Variants in SH3RF3 observed in about 807,000 individuals in gnomAD.
SH3RF3 encodes E3 ubiquitin-protein ligase SH3RF3.
Under a neutral mutation model 66.3 loss-of-function variants are expected in SH3RF3, and 29 were observed. The observed-to-expected ratio is 0.44, with a 90% CI of 0.33 to 0.60. The LOEUF (loss-of-function observed/expected upper bound fraction) is 0.60, where lower values mean the gene tolerates loss of function less well. Among genes scored for constraint, SH3RF3 ranks in the 20% least tolerant of loss-of-function variants. The pLI is 0.04. For synonymous variants in SH3RF3, 583 were observed against 532.0 expected, an observed-to-expected ratio of 1.10 and a Z score of -1.32; for missense variants, 1,194 against 1,190.9, an observed-to-expected ratio of 1.00 and a Z score of -0.04.
intron 8 of SH3RF3, among the ~76,000 whole-genome samples, chr2:109,467,892 T>C (rs1313987505): frequency 1.4e-5 from 2 of 147,786 alleles, no homozygotes; most frequent in East Asian, 1.9e-4. Flanking sequence ...CTCAGATGCC[T>C]GTAGCCAGCT....
rs1261557577 is a variant in SH3RF3, at chr2:109,437,016, C to G, written c.1698C>G (p.Thr566=). ...SGSLSSLATA[T]RPALPITTPQ... is the part of the protein sequence containing the mutation. ...GTCTGAGCAGCCTGGCCACTGCCAC[C>G]AGGCCCGCCCTGCCCATCACCACTC... Residue 566 remains threonine, a synonymous_variant, in exon 7 of 10, where the codon ACC becomes ACG. Coordinates refer to ENST00000309415, the MANE Select transcript of SH3RF3 (RefSeq NM_001099289.3). The G allele has an allele frequency of 6.2e-7, 1 of 1,613,760 alleles. No homozygotes were observed. The highest frequency in any genetic ancestry group is 1.3e-5 in the African/African-American group (1 of 74,940).
chr2:109,277,169 G>T (rs944836425), intron 1 of SH3RF3, among the ~76,000 whole-genome samples: 2 of 152,144 alleles, frequency 1.3e-5, no homozygotes, highest in African/African-American at 2.4e-5. Flanking sequence ...TCTTCATTAC[G>T]TAGTTAGAAA....
intron 1 of SH3RF3, among the ~76,000 whole-genome samples, chr2:109,171,697 C>T (rs1484800626): frequency 6.6e-6 from 1 of 152,248 alleles, no homozygotes; most frequent in Non-Finnish European, 1.5e-5. Context: ...TTCGGTGCAG[C>T]TAATGCCTTC....
chr2:109,454,369 C>T (rs1677977085), intron 8 of SH3RF3, among the ~76,000 whole-genome samples: 1 of 152,200 alleles, frequency 6.6e-6, no homozygotes, highest in Non-Finnish European at 1.5e-5. Flanking sequence ...AGGGTCTGGG[C>T]CATTTTTAGT....
intron 1 of SH3RF3, among the ~76,000 whole-genome samples, chr2:109,238,693 C>T (rs1679706532): frequency 6.6e-6 from 1 of 152,144 alleles, no homozygotes; most frequent in Non-Finnish European, 1.5e-5. Flanking sequence ...GGCCTCACTC[C>T]ACAGAGGACC....
At chr2:109,223,664 C>G (rs1017088140) in intron 1 of SH3RF3, among the ~76,000 whole-genome samples, 1 of 152,192 alleles carries the variant, frequency 6.6e-6, no homozygotes, top group East Asian at 1.9e-4. Flanking sequence ...CTCCATGGCT[C>G]TCCCCTGAAT....
intron 1 of SH3RF3, among the ~76,000 whole-genome samples, chr2:109,172,290 T>C (rs1677803689): frequency 6.6e-6 from 1 of 152,252 alleles, no homozygotes; most frequent in Non-Finnish European, 1.5e-5. Flanking sequence ...TGGCCTGTGC[T>C]GTTTCTCTCC....
chr2:109,400,502 C>T (rs1676279222), intron 4 of SH3RF3, among the ~76,000 whole-genome samples: 1 of 152,096 alleles, frequency 6.6e-6, no homozygotes, highest in Non-Finnish European at 1.5e-5. Context: ...TGCATTTACA[C>T]ATACACCCCT....
At chr2:109,256,712 G>A (rs1437681378) in intron 1 of SH3RF3, among the ~76,000 whole-genome samples, 1 of 152,194 alleles carries the variant, frequency 6.6e-6, no homozygotes, top group Admixed American at 6.5e-5. Flanking sequence ...TCCTTGTGTG[G>A]AGTTAACTTT....
At chr2:109,218,522 T>A (rs1679154540) in intron 1 of SH3RF3, among the ~76,000 whole-genome samples, 1 of 152,192 alleles carries the variant, frequency 6.6e-6, no homozygotes, top group Non-Finnish European at 1.5e-5. Context: ...TGGAAGGGTG[T>A]GTGGTACGGA....
chr2:109,230,647 T>A (rs746542243), intron 1 of SH3RF3, among the ~76,000 whole-genome samples: 2 of 152,124 alleles, frequency 1.3e-5, no homozygotes, highest in Non-Finnish European at 2.9e-5. Flanking sequence ...TATGGTGGGG[T>A]TATGTCCTGA....
intron 1 of SH3RF3, chr2:109,313,621 A>C (rs1451252075): frequency 6.5e-6 from 1 of 154,976 alleles, no homozygotes; most frequent in African/African-American, 2.4e-5. Flanking sequence ...CCCGGCCAGC[A>C]GTGGGGCTCA....
chr2:109,274,693 T>C (rs1680710097), intron 1 of SH3RF3, among the ~76,000 whole-genome samples: 1 of 152,242 alleles, frequency 6.6e-6, no homozygotes, highest in South Asian at 2.1e-4. Flanking sequence ...GATACAAATG[T>C]TCTGATAGAT....
At chr2:109,477,342 A>C (rs1310066993) in intron 8 of SH3RF3, among the ~76,000 whole-genome samples, 1 of 152,166 alleles carries the variant, frequency 6.6e-6, no homozygotes, top group Non-Finnish European at 1.5e-5. Flanking sequence ...CCATGAAAAA[A>C]GTGACAGGTA....
At chr2:109,427,933 G>A (rs895716088) in intron 5 of SH3RF3, among the ~76,000 whole-genome samples, 8 of 152,238 alleles carry the variant, frequency 5.3e-5, no homozygotes, top group Admixed American at 6.5e-5. Context: ...ACGCTCCTCT[G>A]AGCATCTGCA....
At chr2:109,496,083 C>G (rs1013317357) in intron 9 of SH3RF3, among the ~76,000 whole-genome samples, 11 of 152,172 alleles carry the variant, frequency 7.2e-5, no homozygotes, top group African/African-American at 2.7e-4. Context: ...AGCTTTTATT[C>G]CCTTATTTGT....
intron 1 of SH3RF3, among the ~76,000 whole-genome samples, chr2:109,202,157 T>C (rs1399740461): frequency 6.6e-6 from 1 of 152,148 alleles, no homozygotes; most frequent in African/African-American, 2.4e-5. Flanking sequence ...TTACAGCTTG[T>C]AGATGAACAC....
intron 1 of SH3RF3, among the ~76,000 whole-genome samples, chr2:109,157,731 T>A (rs1230498373): frequency 6.6e-6 from 1 of 152,184 alleles, no homozygotes; most frequent in African/African-American, 2.4e-5. Context: ...CATCCTGAGA[T>A]GCCATACAAA....
chr2:109,389,340 C>T (rs1205333362), intron 3 of SH3RF3, among the ~76,000 whole-genome samples: 1 of 152,246 alleles, frequency 6.6e-6, no homozygotes, highest in East Asian at 1.9e-4. Context: ...GAGGCAATGT[C>T]TGTCATCTCC....
Sources: gnomAD v4.1 joint callset for allele counts (sites outside exome capture counted in the v4.1 genomes callset) on GRCh38, gnomAD v4.1.1 for gene constraint, MANE v1.5 for transcripts, NCBI Gene and HGNC (gene_info 2026-07-23, HGNC 2026-07-21) for gene names.